The following TRIOBP variants were observed in gnomAD, a reference collection of about 807,000 sequenced individuals.
TRIOBP encodes TRIO and F-actin-binding protein.
A neutral mutation model predicts 238.8 loss-of-function variants in TRIOBP; 169 were observed. That is an observed-to-expected ratio of 0.71 (90% CI 0.62 to 0.80). The LOEUF is 0.80. Ranked by LOEUF, TRIOBP falls within the 30% of genes least tolerant of loss-of-function variation. The pLI is 0.00. For synonymous variants in TRIOBP, 1,150 were observed against 1,274.4 expected (o/e 0.90, Z 2.08); for missense variants, 2,838 against 3,122.6 (o/e 0.91, Z 2.17).
At chr22:37,742,276 T>TA (rs1365619247) in intron 11 of TRIOBP, among the ~76,000 whole-genome samples, 10 of 141,186 alleles carry the variant, frequency 7.1e-5, no homozygotes, top group African/African-American at 2.1e-4. Context: ...TTTTTTTTTT[T>TA]AAATTAAGAT....
chr22:37,725,028 C>T lies in TRIOBP; in HGVS notation c.2472C>T (p.Pro824=). Residue 824 remains proline (P), a synonymous_variant, in exon 7 of 24, where the codon CCC becomes CCT. Transcript: ENST00000644935. ...NPRTCIQQNI[P]RSSSTQQDNP... ...GAACTTGTATTCAACAGAACATCCCCAGATCATCTTCTACCCAACAAGACA... is the reference window on the plus strand; with the variant it reads ...GAACTTGTATTCAACAGAACATCCCTAGATCATCTTCTACCCAACAAGACA... 6.2e-7 allele frequency: 1 copy of T among 1,614,120 alleles called. No individual in the cohort carries two copies. The highest frequency in any genetic ancestry group is 8.5e-7 in the Non-Finnish European group (1 of 1,179,962).
intron 3 of TRIOBP, among the ~76,000 whole-genome samples, chr22:37,705,498 G>A (rs929379286): frequency 6.6e-6 from 1 of 152,070 alleles, no homozygotes; most frequent in Admixed American, 6.5e-5. Flanking sequence ...TGGAGAATGG[G>A]GGGAGGCCTG....
chr22:37,767,258 AC>A (rs1569062603), intron 18 of TRIOBP, among the ~76,000 whole-genome samples: 14 of 151,124 alleles, frequency 9.3e-5, no homozygotes, highest in East Asian at 5.9e-4. Context: ...CTCCTGGGTG[AC>A]AGAGTGAGAC....
At chr22:37,764,701 A>G (rs1195875112) in intron 17 of TRIOBP, among the ~76,000 whole-genome samples, 1 of 152,210 alleles carries the variant, frequency 6.6e-6, no homozygotes, top group Non-Finnish European at 1.5e-5. Context: ...GGACACTCCC[A>G]GCAGTGGGTA....
intron 6 of TRIOBP, among the ~76,000 whole-genome samples, chr22:37,721,284 A>G (rs1923815862): frequency 6.6e-6 from 1 of 152,144 alleles, no homozygotes; most frequent in Non-Finnish European, 1.5e-5. Flanking sequence ...AAGTGTTAGC[A>G]TTACAGGCGT....
At chr22:37,736,111 G>A (rs774565423) in intron 9 of TRIOBP, among the ~76,000 whole-genome samples, 1 of 152,222 alleles carries the variant, frequency 6.6e-6, no homozygotes, top group Non-Finnish European at 1.5e-5. Flanking sequence ...TGGGCCCAGC[G>A]CCGGGCACAC....
In TRIOBP at chr22:37,715,122, C is replaced by T. The variant is rs542824834; in HGVS notation, c.457-641C>T. Among the ~76,000 whole-genome samples the T allele has an allele frequency of 9.2e-5, 14 of 152,266 alleles. No homozygotes were observed. In the South Asian group the frequency reaches 2.9e-3, roughly 32 times the overall value. On this transcript the variant is annotated intron_variant, in intron 5 of 23. Transcript: ENST00000644935. The stretch of plus-strand genomic sequence containing the variant: ...CTCTGTCTCCCAGGTTCAAGCGATT[C>T]GCCTGCCTCAGCCTCTCGAGTATCT...
rs1460550229 is a variant in TRIOBP, at chr22:37,734,593, C to T, written c.4257C>T (p.Gly1419=). ...GACCTCTGGAGAGTGGCCAAGCAGG[C>T]CCAAGACAGCCTCTGGGGGTGTGGC... The part of the protein sequence containing the change: ...TQRPLESGQA[G]PRQPLGVWQS... The change falls in exon 9 of 24, where the codon GGC becomes GGT. Residue 1419 remains glycine (G), a synonymous_variant. Transcript: ENST00000644935. The T allele has an allele frequency of 1.3e-6, 2 of 1,580,168 alleles. No homozygotes were observed. Among genetic ancestry groups the T allele is most frequent in the South Asian group, 1.1e-5 (1 of 87,452 alleles).
At position 37,733,322 on chromosome 22, in the gene TRIOBP, C is replaced by T. The variant is rs1924512911; in HGVS notation, c.3972C>T (p.Phe1324=). The change falls in exon 8 of 24, where the codon TTC becomes TTT. Residue 1324 remains phenylalanine, a synonymous_variant. Transcript: ENST00000644935. ...GGAAGTCCGAGGCAGCGGGGGCCTT[C>T]CAGGCCCAGGACGAGGGACGGTCAC... ...ERRKSEAAGA[F]QAQDEGRSQQ... The T allele has an allele frequency of 6.4e-7, 1 of 1,551,126 alleles. No homozygotes were observed. The highest frequency in any genetic ancestry group is 1.2e-5 in the South Asian group (1 of 84,108).
At chr22:37,702,123 A>C (rs1284592071) in intron 3 of TRIOBP, among the ~76,000 whole-genome samples, 1 of 152,082 alleles carries the variant, frequency 6.6e-6, no homozygotes, top group Admixed American at 6.6e-5. Context: ...AAAACAAAAC[A>C]AAAAAGAGAA....
At chr22:37,711,829 G>A (rs1034924372) in intron 4 of TRIOBP, among the ~76,000 whole-genome samples, 5 of 152,046 alleles carry the variant, frequency 3.3e-5, no homozygotes, top group Non-Finnish European at 5.9e-5. Context: ...TATTATCATC[G>A]TGTAGGCCAG....
chr22:37,759,654 C>T lies in TRIOBP; in HGVS notation c.6324+390C>T, dbSNP rs77551684. 7.4e-3 allele frequency: 11,335 copies of T among 1,528,970 alleles called. 63 individuals carry two copies. Among genetic ancestry groups the T allele is most frequent in the Non-Finnish European group, 8.7e-3 (9,988 of 1,143,238 alleles). 94.7% of individuals were successfully genotyped at this position (1,528,970 alleles called of 1,614,324 possible). A position where few individuals can be genotyped will look rare whatever the true frequency, so the allele number is the denominator to read the frequency against. ...GTCACTCCCTGAACACAGGGAAATC[C>T]TGCCGAGGCCCACTGGGCCAAGGCC... On this transcript the variant is annotated intron_variant, in intron 17 of 23. Transcript: ENST00000644935.
At chr22:37,748,948 G>T (rs1925426106) in intron 11 of TRIOBP, among the ~76,000 whole-genome samples, 1 of 152,192 alleles carries the variant, frequency 6.6e-6, no homozygotes, top group Non-Finnish European at 1.5e-5. Flanking sequence ...GTTGTGATCG[G>T]CAAGGAATAT....
At position 37,746,215 on chromosome 22, in the gene TRIOBP, G is replaced by GAAAA. The variant is rs58335859; in HGVS notation, c.5322+5197_5322+5200dup. On this transcript the variant is annotated intron_variant, in intron 11 of 23. Coordinates refer to ENST00000644935, the MANE Select transcript of TRIOBP (RefSeq NM_001039141.3). Reference sequence around the variant, plus strand: ...CCGCTCGGGTCCTCCCAGGAAGTTTGAAAAAAAAAAAAAAAAAGTTTTATG... The same window carrying GAAAA: ...CCGCTCGGGTCCTCCCAGGAAGTTTGAAAAAAAAAAAAAAAAAAAAAGTTTTATG... 0.12 allele frequency: 111,495 copies of GAAAA among 922,982 alleles called. 713 individuals are homozygous for GAAAA. The highest frequency in any genetic ancestry group is 0.16 in the Admixed American group (2,191 of 13,336). The allele number at this position is 922,982 out of a possible 1,614,324, so 57.2% of individuals were successfully genotyped here.
At chr22:37,740,693 G>A (rs1924890919) in intron 10 of TRIOBP, among the ~76,000 whole-genome samples, 1 of 152,230 alleles carries the variant, frequency 6.6e-6, no homozygotes, top group Non-Finnish European at 1.5e-5. Context: ...AAGGTGCTGA[G>A]CCCTGGGAGC....
chr22:37,751,718 C>A, intron 11 of TRIOBP, 54 bp from the exon 12 acceptor site: 1 of 1,598,296 alleles, frequency 6.3e-7, no homozygotes, highest in South Asian at 1.1e-5. Flanking sequence ...CCCTCACCAG[C>A]CCCCATTGGC....
Position 37,726,500 on chromosome 22 carries a change from G to T in TRIOBP, c.3944G>T (p.Arg1315Leu). The T allele has an allele frequency of 6.7e-7, 1 of 1,503,498 alleles. No individual in the cohort carries two copies. The highest frequency in any genetic ancestry group is 1.4e-5 in the African/African-American group (1 of 72,648). 93.1% of individuals were successfully genotyped at this position (1,503,498 alleles called of 1,614,324 possible). The change falls in exon 7 of 24, where the codon CGC becomes CTC. Residue 1315 changes from arginine to leucine, a missense_variant. Physicochemically the swap from Arg to Leu is moderately radical, Grantham distance 102 (BLOSUM62 -2). Transcript: ENST00000644935. The part of the protein sequence containing the change: ...AEVERLFGQE[R>L]RKSEAAGAFQ... ...GTGGAGCGCCTCTTCGGGCAAGAGCGCAGGTGAGCCCGGGGGTGGGGTCAG... is the reference window on the plus strand; with the variant it reads ...GTGGAGCGCCTCTTCGGGCAAGAGCTCAGGTGAGCCCGGGGGTGGGGTCAG...
chr22:37,746,099 G>C lies in TRIOBP; in HGVS notation c.5322+5067G>C, dbSNP rs113910133. 122,355 of 784,494 alleles carry C rather than the reference G, an allele frequency of 0.16. 10,121 individuals are homozygous for C. The highest frequency in any genetic ancestry group is 0.25 in the Admixed American group (3,966 of 16,132). The allele number at this position is 784,494 out of a possible 1,614,324, so 48.6% of individuals were successfully genotyped here. The stretch of plus-strand genomic sequence containing the variant: ...CGCCCTAGCGCGCCCGTCCCGTTGC[G>C]GCAGGTCCCGCCCCCGGCCCGTCTC... On this transcript the variant is annotated intron_variant, in intron 11 of 23. Transcript: ENST00000644935.
At chr22:37,704,497 GGAGGA>G (rs1485629985) in intron 3 of TRIOBP, among the ~76,000 whole-genome samples, 1 of 151,614 alleles carries the variant, frequency 6.6e-6, no homozygotes, top group Non-Finnish European at 1.5e-5. Context: ...GGGAGAGAGA[GGAGGA>G]GAGGAGGAGA....
Sources: allele counts gnomAD v4.1 joint callset (sites outside exome capture counted in the v4.1 genomes callset), GRCh38; gene constraint gnomAD v4.1.1; transcripts MANE v1.5; gene names NCBI Gene and HGNC (gene_info 2026-07-23, HGNC 2026-07-21).